The following WDFY4 variants were observed in gnomAD, a reference collection of about 807,000 sequenced individuals.
The protein encoded by WDFY4 is WD repeat- and FYVE domain-containing protein 4.
WDFY4 carries 169 observed loss-of-function variants against 351.9 expected under a neutral mutation model. The observed-to-expected ratio is 0.48, with a 90% CI of 0.42 to 0.55. WDFY4 has a LOEUF of 0.55. Ranked by LOEUF, WDFY4 falls within the 20% of genes least tolerant of loss-of-function variation. The pLI, the probability that WDFY4 is intolerant of heterozygous loss-of-function variation, is 0.00. For synonymous variants in WDFY4, 1,622 were observed against 1,574.6 expected (o/e 1.03, Z -0.71); for missense variants, 3,803 against 3,935.6 (o/e 0.97, Z 0.90).
chr10:48,962,993 A>T (rs1296482422), intron 53 of WDFY4, among the ~76,000 whole-genome samples: 1 of 152,218 alleles, frequency 6.6e-6, no homozygotes, highest in East Asian at 1.9e-4. Flanking sequence ...GATGATTTAG[A>T]AGATGCCCAC....
At position 48,729,463 on chromosome 10, in the gene WDFY4, C is replaced by T. The variant is rs1410195003; in HGVS notation, c.1003C>T (p.Pro335Ser). 1 of 1,551,462 alleles carries T rather than the reference C, an allele frequency of 6.4e-7. No individual in the cohort carries two copies. The highest frequency in any genetic ancestry group is 8.7e-7 in the Non-Finnish European group (1 of 1,146,996). Residue 335 changes from proline to serine, a missense_variant, in exon 8 of 62, where the codon CCG becomes TCG. Coordinates refer to ENST00000325239, the MANE Select transcript of WDFY4 (RefSeq NM_001394531.1). The stretch of plus-strand genomic sequence containing the variant: ...TGGGCTGACCCAGAGCGAAGTGGAC[C>T]CGCATCTGGAGGAGCTCCTTGGGCT... ...YDGLTQSEVD[P>S]HLEELLGLVV...
At chr10:48,751,872 A>G (rs1324341847) in intron 12 of WDFY4, among the ~76,000 whole-genome samples, 1 of 152,150 alleles carries the variant, frequency 6.6e-6, no homozygotes, top group Non-Finnish European at 1.5e-5. Context: ...AGCCAAGCTC[A>G]GGGGCTGTGT....
At chr10:48,736,095 T>C (rs780759660) in intron 11 of WDFY4, 25 bp downstream of exon 11, 19 of 1,551,584 alleles carry the variant, frequency 1.2e-5, no homozygotes, top group South Asian at 4.8e-5. Context: ...TCCTTTGAGA[T>C]TGGCTTCCCT....
rs998578701 is a variant in WDFY4, at chr10:48,981,326, C to T, written c.9377-41C>T. 9.8e-6 allele frequency: 15 copies of T among 1,537,066 alleles called. 1 individual carries two copies. The highest frequency in any genetic ancestry group is 1.2e-5 in the South Asian group (1 of 83,770). On this transcript the variant is annotated intron_variant, in intron 60 of 61. Coordinates refer to ENST00000325239, the MANE Select transcript of WDFY4 (RefSeq NM_001394531.1). The stretch of plus-strand genomic sequence containing the variant: ...CAGATGCACACTGTATGTGCGAAGC[C>T]GATCTGGCGTTCTAACTCTTCTCTC...
At chr10:48,850,700 T>A (rs1009070917) in intron 39 of WDFY4, among the ~76,000 whole-genome samples, 3 of 152,216 alleles carry the variant, frequency 2.0e-5, no homozygotes, top group Non-Finnish European at 1.5e-5. Flanking sequence ...CCCGAGACTC[T>A]CTATACCTTA....
intron 23 of WDFY4, among the ~76,000 whole-genome samples, chr10:48,793,638 G>A (rs913527839): frequency 6.6e-6 from 1 of 152,120 alleles, no homozygotes; most frequent in African/African-American, 2.4e-5. Flanking sequence ...CCACGTTTGT[G>A]TCTGTTTCAC....
chr10:48,801,540 T>C, intron 24 of WDFY4: 1 of 456,378 alleles, frequency 2.2e-6, no homozygotes. Context: ...GATACCCATG[T>C]TTTCACTAGA....
intron 53 of WDFY4, among the ~76,000 whole-genome samples, chr10:48,961,877 G>A (rs7082322): frequency 0.45 from 67,735 of 151,800 alleles, 15,552 homozygotes; most frequent in Non-Finnish European, 0.51. Context: ...TGGAGGTGGC[G>A]ATAAGGACTG....
intron 55 of WDFY4, chr10:48,966,933 A>C: frequency 2.1e-6 from 1 of 482,390 alleles, no homozygotes; most frequent in Non-Finnish European, 3.7e-6. Context: ...ACATACACAC[A>C]CAGACACCTC....
In WDFY4 at chr10:48,914,861, G is replaced by A. The variant is rs116112240; in HGVS notation, c.7586+12998G>A. The stretch of plus-strand genomic sequence containing the variant: ...GCAGCACCATAACTCCCCATCATGA[G>A]CACACAGGGGGATGGGGGGTGCGGG... On this transcript the variant is annotated intron_variant, in intron 47 of 61. Coordinates refer to ENST00000325239, the MANE Select transcript of WDFY4 (RefSeq NM_001394531.1). 7.0e-3 allele frequency among the ~76,000 whole-genome samples: 1,071 copies of A among 152,298 alleles called. 13 individuals are homozygous for A. Among genetic ancestry groups the A allele is most frequent in the African/African-American group, 0.024 (1,010 of 41,558 alleles).
At chr10:48,904,077 G>A (rs891815266) in intron 47 of WDFY4, among the ~76,000 whole-genome samples, 4 of 152,228 alleles carry the variant, frequency 2.6e-5, no homozygotes, top group Admixed American at 1.3e-4. Context: ...ACTGAGAAAT[G>A]ACCATTGAGC....
At chr10:48,702,524 G>GC (rs2063507781) in intron 1 of WDFY4, among the ~76,000 whole-genome samples, 1 of 152,166 alleles carries the variant, frequency 6.6e-6, no homozygotes, top group African/African-American at 2.4e-5. Context: ...CTGACAGAAG[G>GC]CCTTTGAGAT....
At chr10:48,972,637 A>G (rs533663609) in intron 57 of WDFY4, among the ~76,000 whole-genome samples, 158 of 152,290 alleles carry the variant, frequency 1.0e-3, no homozygotes, top group Admixed American at 2.5e-3. Flanking sequence ...AGTTTTAACT[A>G]TTTTACATAG....
chr10:48,685,511 G>A (rs547486574), intron 1 of WDFY4, among the ~76,000 whole-genome samples: 2 of 152,324 alleles, frequency 1.3e-5, no homozygotes, highest in African/African-American at 4.8e-5. Context: ...TCCCGGCCCT[G>A]TCATTACTCC....
chr10:48,958,029 A>T (rs1439442651), intron 52 of WDFY4, among the ~76,000 whole-genome samples: 1 of 152,158 alleles, frequency 6.6e-6, no homozygotes, highest in Non-Finnish European at 1.5e-5. Context: ...TCACCAATGC[A>T]TACCTCGGGC....
At chr10:48,962,273 A>G (rs2131799648) in intron 53 of WDFY4, among the ~76,000 whole-genome samples, 1 of 152,302 alleles carries the variant, frequency 6.6e-6, no homozygotes, top group East Asian at 1.9e-4. Flanking sequence ...ACATGACTCA[A>G]ATGTGGCCTT....
intron 19 of WDFY4, among the ~76,000 whole-genome samples, chr10:48,783,540 TTATA>T (rs1041908167): frequency 2.7e-4 from 41 of 151,562 alleles, no homozygotes; most frequent in Non-Finnish European, 4.6e-4. Context: ...TGTATATATC[TTATA>T]TATAGTGATT....
At chr10:48,747,080 A>T (rs551907940) in intron 12 of WDFY4, among the ~76,000 whole-genome samples, 2 of 152,186 alleles carry the variant, frequency 1.3e-5, no homozygotes, top group South Asian at 4.2e-4. Context: ...ACTCTCTTGG[A>T]TTTTATTTGT....
Position 48,817,528 on chromosome 10 carries a change from G to A in WDFY4, c.5505+119G>A, listed in dbSNP as rs75433748. The A allele has an allele frequency of 7.0e-5, 90 of 1,278,486 alleles. 1 individual carries two copies. The African/African-American group carries it at 1.2e-3, about 17-fold the overall frequency. The allele number at this position is 1,278,486 out of a possible 1,614,324, so 79.2% of individuals were successfully genotyped here. On this transcript the variant is annotated intron_variant, in intron 32 of 61. Transcript: ENST00000325239. ...ATTAAAATACATTTTAAGGCAACTT[G>A]AGCGGAACATTGAATAAGCAGCTTG...
Sources: gnomAD v4.1 joint callset for allele counts (sites outside exome capture counted in the v4.1 genomes callset) on GRCh38, gnomAD v4.1.1 for gene constraint, MANE v1.5 for transcripts, NCBI Gene and HGNC (gene_info 2026-07-23, HGNC 2026-07-21) for gene names.